SIPA1L1: variants seen among roughly 807,000 people sequenced by gnomAD.
SIPA1L1 encodes signal-induced proliferation-associated 1-like protein 1.
In SIPA1L1, 26 loss-of-function variants were observed where a neutral mutation model predicts 162.7. The ratio of observed to expected loss-of-function variants is 0.16; its 90% CI spans 0.12 to 0.22. The LOEUF is 0.22. Ranked by LOEUF, SIPA1L1 falls within the 10% of genes least tolerant of loss-of-function variation. The pLI is 1.00. For synonymous variants in SIPA1L1, 829 were observed against 837.4 expected (o/e 0.99, Z 0.17); for missense variants, 1,874 against 2,241.0 (o/e 0.84, Z 3.31).
At chr14:71,371,130 A>G (rs1053170347) in intron 2 of SIPA1L1, among the ~76,000 whole-genome samples, 5 of 152,174 alleles carry the variant, frequency 3.3e-5, no homozygotes, top group African/African-American at 4.8e-5. Flanking sequence ...GTGACATACT[A>G]TTAGACTAAG....
chr14:71,542,326 T>TTCC (rs2054475260), intron 4 of SIPA1L1, among the ~76,000 whole-genome samples: 1 of 129,822 alleles, frequency 7.7e-6, no homozygotes, highest in African/African-American at 3.0e-5. Context: ...CTTCCTCCTC[T>TTCC]TCCTCTTCCT....
chr14:71,512,246 GTCAC>G (rs1287096179), intron 2 of SIPA1L1, among the ~76,000 whole-genome samples: 1 of 152,140 alleles, frequency 6.6e-6, no homozygotes, highest in Non-Finnish European at 1.5e-5. Flanking sequence ...GGTCTGGGAA[GTCAC>G]TCTCTCTAAA....
intron 2 of SIPA1L1, among the ~76,000 whole-genome samples, chr14:71,391,288 G>T (rs2040734652): frequency 6.6e-6 from 1 of 151,908 alleles, no homozygotes; most frequent in African/African-American, 2.4e-5. Flanking sequence ...TGTATTTTTA[G>T]TAGAGATGGG....
chr14:71,366,031 T>C (rs2038264771), intron 2 of SIPA1L1, among the ~76,000 whole-genome samples: 1 of 152,014 alleles, frequency 6.6e-6, no homozygotes, highest in Non-Finnish European at 1.5e-5. Context: ...TGGCCAAGGC[T>C]ACTAAGTCTT....
intron 2 of SIPA1L1, among the ~76,000 whole-genome samples, chr14:71,476,839 G>A (rs540771257): frequency 4.9e-4 from 75 of 151,764 alleles, no homozygotes; most frequent in Non-Finnish European, 7.7e-4. Context: ...CACCATGCCC[G>A]GCTAATTTTT....
chr14:71,598,841 T>C (rs748898179), intron 5 of SIPA1L1, among the ~76,000 whole-genome samples: 5 of 152,226 alleles, frequency 3.3e-5, no homozygotes, highest in Admixed American at 6.5e-5. Flanking sequence ...TTTTGAAATA[T>C]ATCAGTAGAT....
At chr14:71,431,403 A>T (rs1042921659) in intron 2 of SIPA1L1, among the ~76,000 whole-genome samples, 1 of 152,164 alleles carries the variant, frequency 6.6e-6, no homozygotes, top group African/African-American at 2.4e-5. Flanking sequence ...TACATAAAAG[A>T]TTACATGAGG....
At chr14:71,477,538 G>A (rs560414507) in intron 2 of SIPA1L1, among the ~76,000 whole-genome samples, 1 of 151,912 alleles carries the variant, frequency 6.6e-6, no homozygotes, top group Non-Finnish European at 1.5e-5. Context: ...ATGGCGTCTC[G>A]CCGTGTTGCC....
intron 2 of SIPA1L1, among the ~76,000 whole-genome samples, chr14:71,440,178 A>T (rs1377679263): frequency 1.3e-5 from 2 of 151,760 alleles, no homozygotes; most frequent in East Asian, 3.9e-4. Context: ...GGCGTGCATC[A>T]CCATTCCTGG....
intron 9 of SIPA1L1, among the ~76,000 whole-genome samples, chr14:71,658,681 G>A (rs2043267149): frequency 6.6e-6 from 1 of 152,180 alleles, no homozygotes. Flanking sequence ...CACCCACGGG[G>A]ATTGAGGTTT....
chr14:71,671,267 C>A lies in SIPA1L1; in HGVS notation c.2404C>A (p.Arg802=), dbSNP rs748248214. 5.6e-6 allele frequency: 9 copies of A among 1,614,130 alleles called. No individual in the cohort carries two copies. Among genetic ancestry groups the A allele is most frequent in the Admixed American group, 3.3e-5 (2 of 60,012 alleles). ...TGCTGCTCATAAATCGGAGAAGTTTCGGGCCATGGCAACTCGGACCCGCCA... is the reference window on the plus strand; with the variant it reads ...TGCTGCTCATAAATCGGAGAAGTTTAGGGCCATGGCAACTCGGACCCGCCA... ...ENAAHKSEKF[R]AMATRTRQEY... is the part of the protein sequence containing the mutation. Residue 802 remains arginine (R), a synonymous_variant, in exon 11 of 24, where the codon CGG becomes AGG. Coordinates refer to ENST00000381232, the MANE Select transcript of SIPA1L1 (RefSeq NM_001386936.1).
At chr14:71,737,730 A>G (rs2085428288) in intron 22 of SIPA1L1, among the ~76,000 whole-genome samples, 1 of 152,210 alleles carries the variant, frequency 6.6e-6, no homozygotes, top group South Asian at 2.1e-4. Context: ...CCAGTGGTTT[A>G]AGATGTAGGC....
intron 2 of SIPA1L1, among the ~76,000 whole-genome samples, chr14:71,387,250 A>AT (rs2040405491): frequency 1.1e-5 from 1 of 91,454 alleles, no homozygotes; most frequent in Non-Finnish European, 2.7e-5. Flanking sequence ...CTCTGTCTCA[A>AT]AAAAAAAAAA....
At chr14:71,592,378 A>G (rs989411787) in intron 5 of SIPA1L1, among the ~76,000 whole-genome samples, 1 of 152,230 alleles carries the variant, frequency 6.6e-6, no homozygotes, top group African/African-American at 2.4e-5. Flanking sequence ...AGTATAAAAC[A>G]TATCTAAACA....
chr14:71,439,282 CTCTTCTTCACTACCG>C (rs1264053633), intron 2 of SIPA1L1, among the ~76,000 whole-genome samples: 7 of 152,170 alleles, frequency 4.6e-5, no homozygotes, highest in South Asian at 2.1e-4. Flanking sequence ...ATTTAATTCT[CTCTTCTTCACTACCG>C]TCTTCTTCAC....
chr14:71,328,182 G>A (rs188989640), intron 2 of SIPA1L1, among the ~76,000 whole-genome samples: 37 of 152,328 alleles, frequency 2.4e-4, no homozygotes, highest in African/African-American at 7.0e-4. Context: ...TAATGTTTCA[G>A]TAGATAAATG....
intron 5 of SIPA1L1, among the ~76,000 whole-genome samples, chr14:71,607,300 GACT>G (rs1045134692): frequency 6.6e-6 from 1 of 151,282 alleles, no homozygotes; most frequent in African/African-American, 2.4e-5. Flanking sequence ...ATGGTGTGGT[GACT>G]ATTAGTGTTT....
At chr14:71,481,111 A>G (rs1236290273) in intron 2 of SIPA1L1, among the ~76,000 whole-genome samples, 3 of 152,176 alleles carry the variant, frequency 2.0e-5, no homozygotes, top group African/African-American at 7.2e-5. Flanking sequence ...CCAATTATTG[A>G]GTTGCCTTTG....
intron 4 of SIPA1L1, among the ~76,000 whole-genome samples, chr14:71,556,066 A>C (rs756535400): frequency 3.4e-4 from 52 of 152,254 alleles, no homozygotes; most frequent in Non-Finnish European, 6.5e-4. Context: ...TAGCACTGAC[A>C]GACTTGCTCA....
Sources: gnomAD v4.1 joint callset for allele counts (sites outside exome capture counted in the v4.1 genomes callset) on GRCh38, gnomAD v4.1.1 for gene constraint, MANE v1.5 for transcripts, NCBI Gene and HGNC (gene_info 2026-07-23, HGNC 2026-07-21) for gene names.